The following MDFIC2 variants were observed in gnomAD, a reference collection of about 807,000 sequenced individuals.
MDFIC2 encodes myoD family inhibitor domain-containing protein 2.
At chr3:70,293,045 C>CCA (rs1702253903) in intron 2 of MDFIC2, among the ~76,000 whole-genome samples, 1 of 74,820 alleles carries the variant, frequency 1.3e-5, no homozygotes, top group Non-Finnish European at 2.9e-5. Flanking sequence ...TGGTTTGAAG[C>CCA]AAAAAAAAAA....
chr3:70,288,333 G>A lies in MDFIC2; in HGVS notation c.88+23553C>T, dbSNP rs534914748. Among the ~76,000 whole-genome samples the A allele has an allele frequency of 5.0e-5, 6 of 119,778 alleles. No individual in the cohort carries two copies. In the East Asian group the frequency reaches 1.5e-3, roughly 30 times the overall value. The allele number at this position is 119,778 out of a possible 152,430, so 78.6% of individuals were successfully genotyped here. On this transcript the variant is annotated intron_variant, in intron 2 of 3. Transcript: ENST00000567252. ...CATTATGTACCCAGTAGTCATTCAG[G>A]AGCAGGTTGTTCAGTTTCCATGTAG...
chr3:70,207,457 T>C (rs1055408850), intron 2 of MDFIC2, among the ~76,000 whole-genome samples: 3 of 152,032 alleles, frequency 2.0e-5, no homozygotes, highest in Admixed American at 1.3e-4. Flanking sequence ...GTTCAGGGAA[T>C]TTCTAGCGAA....
intron 2 of MDFIC2, chr3:70,292,069 C>G (rs1025007142): frequency 1.3e-5 from 2 of 152,156 alleles, no homozygotes; most frequent in Non-Finnish European, 2.9e-5. Flanking sequence ...TTGTATAAAA[C>G]TATTCCTTTA....
At chr3:70,299,415 A>G (rs4302352) in intron 2 of MDFIC2, among the ~76,000 whole-genome samples, 236 of 152,092 alleles carry the variant, frequency 1.6e-3, no homozygotes, top group African/African-American at 5.4e-3. Context: ...CCATTTTCAT[A>G]TTCTAATTTT....
intron 2 of MDFIC2, among the ~76,000 whole-genome samples, chr3:70,245,183 A>C (rs1037510055): frequency 2.0e-5 from 3 of 152,116 alleles, no homozygotes; most frequent in Admixed American, 6.6e-5. Flanking sequence ...CTTGCAATGC[A>C]TTTCTCTTGG....
rs560660831 is a variant in MDFIC2 at position 70,289,450 on chromosome 3, C to T, written c.88+22436G>A. 4.8e-3 allele frequency among the ~76,000 whole-genome samples: 716 copies of T among 149,348 alleles called. 3 individuals are homozygous for T. The highest frequency in any genetic ancestry group is 0.022 in the South Asian group (101 of 4,558). ...ATCCGCTGTTAGTCTGATGGGCTTC[C>T]CTTTGAGGGTAACCCAACCTTTCTC... is the stretch of plus-strand genomic sequence containing the variant. On this transcript the variant is annotated intron_variant, in intron 2 of 3. Transcript: ENST00000567252.
chr3:70,282,396 G>A (rs1006118546), intron 2 of MDFIC2, among the ~76,000 whole-genome samples: 7 of 152,032 alleles, frequency 4.6e-5, no homozygotes, highest in African/African-American at 7.2e-5. Flanking sequence ...TTGTAAATCC[G>A]ATCATGTTAG....
intron 2 of MDFIC2, among the ~76,000 whole-genome samples, chr3:70,273,931 C>G (rs181418731): frequency 6.6e-6 from 1 of 152,176 alleles, no homozygotes; most frequent in African/African-American, 2.4e-5. Context: ...GCCCCCAGAG[C>G]AGCCACAGGC....
intron 2 of MDFIC2, among the ~76,000 whole-genome samples, chr3:70,215,569 A>G (rs1701400903): frequency 6.6e-6 from 1 of 151,924 alleles, no homozygotes; most frequent in Admixed American, 6.6e-5. Flanking sequence ...GTCCCCTGCA[A>G]CTCCAATCCC....
chr3:70,197,656 A>T (rs1052477022), intron 3 of MDFIC2, among the ~76,000 whole-genome samples: 8 of 152,216 alleles, frequency 5.3e-5, no homozygotes, highest in African/African-American at 1.9e-4. Flanking sequence ...GGATTCCCAT[A>T]AATCTGCCAC....
At chr3:70,260,295 T>C (rs1701853311) in intron 2 of MDFIC2, among the ~76,000 whole-genome samples, 1 of 152,170 alleles carries the variant, frequency 6.6e-6, no homozygotes, top group African/African-American at 2.4e-5. Flanking sequence ...TGTCTGTGTC[T>C]TCCCATCGCC....
chr3:70,299,419 T>G (rs1490961846), intron 2 of MDFIC2, among the ~76,000 whole-genome samples: 1 of 152,114 alleles, frequency 6.6e-6, no homozygotes, highest in Non-Finnish European at 1.5e-5. Flanking sequence ...TTTCATATTC[T>G]AATTTTTCTA....
intron 2 of MDFIC2, among the ~76,000 whole-genome samples, chr3:70,246,345 G>A (rs1157015872): frequency 6.6e-6 from 1 of 152,046 alleles, no homozygotes; most frequent in Admixed American, 6.6e-5. Context: ...AACTGTCTAA[G>A]TCTAAATGCT....
At chr3:70,221,412 C>G (rs1342461116) in intron 2 of MDFIC2, among the ~76,000 whole-genome samples, 3 of 151,978 alleles carry the variant, frequency 2.0e-5, no homozygotes, top group Non-Finnish European at 4.4e-5. Context: ...TTATTCATTG[C>G]TTTTTTACTA....
intron 2 of MDFIC2, among the ~76,000 whole-genome samples, chr3:70,240,336 C>CT (rs537916067): frequency 7.5e-4 from 109 of 146,248 alleles, no homozygotes; most frequent in African/African-American, 1.6e-3. Flanking sequence ...TAACCAATTA[C>CT]TTTTTTTTTT....
chr3:70,257,308 G>A (rs1246552539), intron 2 of MDFIC2, among the ~76,000 whole-genome samples: 24 of 152,180 alleles, frequency 1.6e-4, no homozygotes, highest in Non-Finnish European at 2.9e-5. Flanking sequence ...TGGTAATGGA[G>A]ATATTGGGGA....
At chr3:70,222,493 C>T (rs954767600) in intron 2 of MDFIC2, among the ~76,000 whole-genome samples, 17 of 152,240 alleles carry the variant, frequency 1.1e-4, no homozygotes, top group Admixed American at 4.6e-4. Context: ...GGTTGGTTTT[C>T]GGTAAAGCAA....
At chr3:70,301,604 G>A (rs1432086858) in intron 2 of MDFIC2, among the ~76,000 whole-genome samples, 6 of 152,052 alleles carry the variant, frequency 3.9e-5, no homozygotes, top group Admixed American at 3.9e-4. Context: ...TTCTTTTACA[G>A]TAGGAATGGT....
chr3:70,268,584 C>T (rs1701946162), intron 2 of MDFIC2, among the ~76,000 whole-genome samples: 1 of 151,976 alleles, frequency 6.6e-6, no homozygotes, highest in Non-Finnish European at 1.5e-5. Flanking sequence ...TTCGGGTTCA[C>T]TCTGGTGATG....
Sources: gnomAD v4.1 joint callset for allele counts (sites outside exome capture counted in the v4.1 genomes callset) on GRCh38, gnomAD v4.1.1 for gene constraint, MANE v1.5 for transcripts, NCBI Gene and HGNC (gene_info 2026-07-23, HGNC 2026-07-21) for gene names.